HECA: variants seen among roughly 807,000 people sequenced by gnomAD.
HECA encodes headcase protein homolog.
A neutral mutation model predicts 37.6 loss-of-function variants in HECA; 13 were observed. That is an observed-to-expected ratio of 0.35 (90% CI 0.23 to 0.55). The LOEUF is 0.55. Among genes scored for constraint, HECA ranks in the 20% least tolerant of loss-of-function variants. HECA has a pLI of 0.90. For synonymous variants in HECA, 307 were observed against 291.5 expected (o/e 1.05, Z -0.54); for missense variants, 527 against 701.9 (o/e 0.75, Z 2.82).
At chr6:139,139,776 G>A (rs776162296) in intron 1 of HECA, among the ~76,000 whole-genome samples, 8 of 152,220 alleles carry the variant, frequency 5.3e-5, no homozygotes, top group Non-Finnish European at 1.0e-4. Flanking sequence ...CTTGAGGGTG[G>A]CATCTCTTTA....
chr6:139,135,514 G>T lies in HECA; in HGVS notation c.118G>T (p.Ala40Ser). 9.5e-7 allele frequency: 1 copy of T among 1,055,186 alleles called. No homozygotes were observed. The highest frequency in any genetic ancestry group is 1.1e-6 in the Non-Finnish European group (1 of 872,950). The allele number at this position is 1,055,186 out of a possible 1,614,324, so 65.4% of individuals were successfully genotyped here. ...AGCGGCGGGCGCGGCGGGAGCGGCG[G>T]CCGGGGGGGCCCTGGCGGCGGCGGC... is the stretch of plus-strand genomic sequence containing the variant. ...LAAAGAAGAA[A>S]GGALAAAAGC... Residue 40 changes from alanine (A) to serine (S), a missense_variant, in exon 1 of 4, where the codon GCC becomes TCC. Transcript: ENST00000367658.
At chr6:139,150,730 T>C (rs1774640553) in intron 1 of HECA, among the ~76,000 whole-genome samples, 1 of 152,144 alleles carries the variant, frequency 6.6e-6, no homozygotes, top group African/African-American at 2.4e-5. Flanking sequence ...ATGAATAGTT[T>C]TGAGTCTTTG....
intron 1 of HECA, among the ~76,000 whole-genome samples, chr6:139,165,612 T>C (rs1196830594): frequency 6.6e-6 from 1 of 151,238 alleles, no homozygotes; most frequent in African/African-American, 2.4e-5. Flanking sequence ...ACTGACTCTA[T>C]CATGTCTTTT....
intron 1 of HECA, among the ~76,000 whole-genome samples, chr6:139,144,925 G>A (rs1414840777): frequency 6.6e-6 from 1 of 152,194 alleles, no homozygotes; most frequent in Non-Finnish European, 1.5e-5. Flanking sequence ...GTTACTAATT[G>A]AGGTTAACAT....
At chr6:139,173,454 T>G (rs1462598272) in intron 2 of HECA, among the ~76,000 whole-genome samples, 4 of 152,144 alleles carry the variant, frequency 2.6e-5, no homozygotes, top group Non-Finnish European at 5.9e-5. Context: ...TTCCATCGGG[T>G]AAGGAGCAGG....
rs746780915 is a variant in HECA at position 139,166,565 on chromosome 6, T to G, written c.553T>G (p.Leu185Val). The G allele has an allele frequency of 6.2e-7, 1 of 1,614,088 alleles. No homozygotes were observed. The change falls in exon 2 of 4, where the codon TTG (leucine) becomes GTG (valine). Residue 185 changes from leucine to valine, a missense_variant. Physicochemically the swap from Leu to Val is conservative, Grantham distance 32. Transcript: ENST00000367658. ...CTCTTGCCGCTGTGGCCAGGGCCAC[T>G]TGAAGAAGGACACAGACTGGTATCA... ...FCSCRCGQGH[L>V]KKDTDWYQVK... is the part of the protein sequence containing the mutation.
intron 1 of HECA, among the ~76,000 whole-genome samples, chr6:139,136,096 G>A (rs1351674914): frequency 6.6e-6 from 1 of 151,942 alleles, no homozygotes; most frequent in Non-Finnish European, 1.5e-5. Flanking sequence ...CGTAACCCCC[G>A]GAATGAAGGA....
Position 139,166,829 on chromosome 6 carries a change from C to G in HECA, c.817C>G (p.Pro273Ala). 6.2e-7 allele frequency: 1 copy of G among 1,613,790 alleles called. No individual in the cohort carries two copies. The highest frequency in any genetic ancestry group is 8.5e-7 in the Non-Finnish European group (1 of 1,179,958). ...CCCCGGTGGCTCCCCGGGCCAGTCC[C>G]CACCCACGGGCTACTCCATCCTCTC... ...RSPGGSPGQS[P>A]PTGYSILSPA... The change falls in exon 2 of 4, where the codon CCA (proline) becomes GCA (alanine). Residue 273 changes from proline (P) to alanine (A), a missense_variant. By Grantham distance (27) the Pro-to-Ala change is conservative. This residue lies in a region of HECA where 228 missense variants were observed against 259.8 expected (regional missense o/e 0.88). Transcript: ENST00000367658.
chr6:139,177,177 A>G lies in HECA; in HGVS notation c.*72A>G. The G allele has an allele frequency of 1.5e-6, 1 of 671,514 alleles. No homozygotes were observed. The highest frequency in any genetic ancestry group is 2.5e-6 in the Non-Finnish European group (1 of 393,026). The allele number at this position is 671,514 out of a possible 1,614,324, so 41.6% of individuals were successfully genotyped here. ...TATTACATATCTTTTATAGGGAAAC[A>G]TTCTGTGACATTAATTTCCTTTCTA... On this transcript the variant is annotated 3_prime_UTR_variant, in exon 4 of 4. Transcript: ENST00000367658. The surrounding 1 kb of genome is among the most constrained non-coding windows in gnomAD (Gnocchi z 4.9).
intron 1 of HECA, among the ~76,000 whole-genome samples, chr6:139,150,282 T>G (rs1048140297): frequency 1.3e-5 from 2 of 152,214 alleles, no homozygotes; most frequent in Non-Finnish European, 2.9e-5. Context: ...CATGTGTATG[T>G]ATCAATATTT....
chr6:139,176,933 T>TC lies in HECA; in HGVS notation c.1468-3dup. 1.2e-6 allele frequency: 1 copy of TC among 867,024 alleles called. No individual in the cohort carries two copies. Among genetic ancestry groups the TC allele is most frequent in the Non-Finnish European group, 2.0e-6 (1 of 497,294 alleles). 53.7% of individuals were successfully genotyped at this position (867,024 alleles called of 1,614,324 possible). A position where few individuals can be genotyped will look rare whatever the true frequency, so the allele number is the denominator to read the frequency against. ...GGTGTTGTGGCTGATGGTGTCTGTT[T>TC]CCCCCAGGCCCGCCTGAACTGTAAG... On this transcript the variant is annotated splice_region_variant and splice_polypyrimidine_tract_variant and intron_variant, in intron 3 of 3. Coordinates refer to ENST00000367658, the MANE Select transcript of HECA (RefSeq NM_016217.3). This position sits in a 1 kb window ranked among gnomAD's most constrained non-coding sequence, Gnocchi z 4.5.
intron 1 of HECA, among the ~76,000 whole-genome samples, chr6:139,138,210 A>G (rs1286125635): frequency 3.3e-5 from 5 of 152,078 alleles, no homozygotes; most frequent in Non-Finnish European, 5.9e-5. Flanking sequence ...TTACTGGTGA[A>G]TTTTTAAAGA....
intron 2 of HECA, 39 bp from the exon 3 acceptor site, chr6:139,174,346 C>T: frequency 6.4e-7 from 1 of 1,563,132 alleles, no homozygotes; most frequent in East Asian, 2.3e-5. Flanking sequence ...ATGTGATTTC[C>T]ATGATGGCCA....
intron 2 of HECA, among the ~76,000 whole-genome samples, chr6:139,173,565 T>C (rs1775006360): frequency 6.6e-6 from 1 of 152,168 alleles, no homozygotes; most frequent in Non-Finnish European, 1.5e-5. Flanking sequence ...GTTCTCCTGA[T>C]GGTAGTTTTT....
intron 1 of HECA, among the ~76,000 whole-genome samples, chr6:139,158,670 C>CAAAAAAA (rs4052916): frequency 8.1e-6 from 1 of 123,162 alleles, no homozygotes; most frequent in African/African-American, 3.0e-5. Context: ...GACCCTGTCT[C>CAAAAAAA]AAAAAAAAAA....
chr6:139,153,715 G>A (rs563136682), intron 1 of HECA, among the ~76,000 whole-genome samples: 6 of 151,902 alleles, frequency 3.9e-5, no homozygotes, highest in African/African-American at 1.4e-4. Flanking sequence ...CACCGCACCC[G>A]GCCTAAAAAA....
chr6:139,140,673 A>C (rs1411699128), intron 1 of HECA, among the ~76,000 whole-genome samples: 1 of 152,244 alleles, frequency 6.6e-6, no homozygotes, highest in Non-Finnish European at 1.5e-5. Context: ...TTGCAGCTTA[A>C]TCCTCCTATG....
At chr6:139,152,275 GT>G (rs1188972989) in intron 1 of HECA, among the ~76,000 whole-genome samples, 1 of 152,164 alleles carries the variant, frequency 6.6e-6, no homozygotes, top group Non-Finnish European at 1.5e-5. Context: ...GAAACCTAGA[GT>G]TTTTTATTTA....
chr6:139,168,856 T>C (rs766677563), intron 2 of HECA, among the ~76,000 whole-genome samples: 14 of 152,232 alleles, frequency 9.2e-5, no homozygotes, highest in Non-Finnish European at 2.1e-4. Context: ...TCTTCTAAGT[T>C]ATACATATTT....
Sources: gnomAD v4.1 joint callset for allele counts (sites outside exome capture counted in the v4.1 genomes callset) on GRCh38, gnomAD v4.1.1 for gene constraint, gnomAD v4.1.1 regional missense constraint, Gnocchi (gnomAD v3.1) non-coding constraint, MANE v1.5 for transcripts, NCBI Gene and HGNC (gene_info 2026-07-23, HGNC 2026-07-21) for gene names.